Variants in CSMD1 observed in about 807,000 individuals in gnomAD.
CSMD1 encodes the protein CUB and sushi domain-containing protein 1.
Under a neutral mutation model 417.5 loss-of-function variants are expected in CSMD1, and 213 were observed. The observed-to-expected ratio is 0.51, with a 90% CI of 0.46 to 0.57. CSMD1 has a LOEUF of 0.57. Ranked by LOEUF, CSMD1 falls within the 20% of genes least tolerant of loss-of-function variation. The probability of loss-of-function intolerance (pLI) is 0.00; values close to 1 mark genes in which losing one functional copy is unlikely to be tolerated. For synonymous variants in CSMD1, 2,862 were observed against 1,736.8 expected (o/e 1.65, Z -16.11); for missense variants, 6,923 against 4,529.7 (o/e 1.53, Z -15.17).
chr8:4,695,779 T>C (rs1325298191), intron 1 of CSMD1, among the ~76,000 whole-genome samples: 2 of 152,244 alleles, frequency 1.3e-5, no homozygotes, highest in Non-Finnish European at 2.9e-5. Flanking sequence ...ATCCCCGATA[T>C]AGTATCATAC....
intron 3 of CSMD1, among the ~76,000 whole-genome samples, chr8:4,363,846 A>T (rs1169640089): frequency 6.6e-6 from 1 of 152,176 alleles, no homozygotes; most frequent in African/African-American, 2.4e-5. Context: ...GGATCTGAAA[A>T]TCAAAACAAT....
At chr8:3,284,103 T>G in intron 26 of CSMD1, 41 bp downstream of exon 26, 1 of 1,437,310 alleles carries the variant, frequency 7.0e-7, no homozygotes, top group South Asian at 1.2e-5. Flanking sequence ...ATGACAAGAC[T>G]TTGATATCAA....
chr8:3,394,423 G>T (rs1014293893), intron 17 of CSMD1, among the ~76,000 whole-genome samples: 2 of 151,692 alleles, frequency 1.3e-5, no homozygotes, highest in Non-Finnish European at 1.5e-5. Flanking sequence ...ATAAACAAAT[G>T]AAATTAGTTT....
intron 3 of CSMD1, among the ~76,000 whole-genome samples, chr8:4,372,310 G>A (rs564772656): frequency 1.3e-5 from 2 of 152,272 alleles, no homozygotes; most frequent in South Asian, 4.1e-4. Flanking sequence ...GACATCATGA[G>A]AACAGACTGT....
At chr8:3,381,748 C>T (rs1810641546) in intron 18 of CSMD1, among the ~76,000 whole-genome samples, 1 of 151,990 alleles carries the variant, frequency 6.6e-6, no homozygotes, top group African/African-American at 2.4e-5. Flanking sequence ...TCAAATAATA[C>T]CAAAAAATGT....
chr8:3,247,818 T>A (rs1293921341), intron 26 of CSMD1, among the ~76,000 whole-genome samples: 2 of 152,042 alleles, frequency 1.3e-5, no homozygotes, highest in Admixed American at 6.5e-5. Context: ...CAATGAAACC[T>A]CCAATCTACT....
At chr8:3,273,749 G>T (rs550028646) in intron 26 of CSMD1, among the ~76,000 whole-genome samples, 1 of 151,984 alleles carries the variant, frequency 6.6e-6, no homozygotes, top group African/African-American at 2.4e-5. Context: ...TCTGATGGCA[G>T]TTCGTATTTC....
At chr8:4,240,905 A>G (rs1003812684) in intron 3 of CSMD1, among the ~76,000 whole-genome samples, 2 of 152,236 alleles carry the variant, frequency 1.3e-5, no homozygotes, top group Non-Finnish European at 2.9e-5. Context: ...TACTGTAAAG[A>G]AAATAGTTTA....
chr8:4,452,020 C>G (rs928820894), intron 2 of CSMD1, among the ~76,000 whole-genome samples: 2 of 151,108 alleles, frequency 1.3e-5, no homozygotes, highest in African/African-American at 4.9e-5. Flanking sequence ...TATCTTTAGG[C>G]AGCCTGCCTT....
rs1002741457 is a variant in CSMD1, at chr8:3,157,786, G to T, written c.5914+111C>A. ...ATTATGTGCTATTAGTATATAACAC[G>T]TGTTTTGAAATTAAGAAATTTAGAA... On this transcript the variant is annotated intron_variant, in intron 39 of 69. Coordinates refer to ENST00000635120, the MANE Select transcript of CSMD1 (RefSeq NM_033225.6). 6.0e-6 allele frequency: 5 copies of T among 833,162 alleles called. No homozygotes were observed. The East Asian group carries it at 1.4e-4, about 23-fold the overall frequency. 51.6% of individuals were successfully genotyped at this position (833,162 alleles called of 1,614,324 possible). A position where few individuals can be genotyped will look rare whatever the true frequency, so the allele number is the denominator to read the frequency against.
intron 4 of CSMD1, among the ~76,000 whole-genome samples, chr8:4,006,081 C>A (rs1172393932): frequency 6.6e-6 from 1 of 152,148 alleles, no homozygotes; most frequent in Non-Finnish European, 1.5e-5. Context: ...AGAGCATTCC[C>A]AACAGATGCA....
chr8:3,649,030 G>C lies in CSMD1; in HGVS notation c.1010-32233C>G, dbSNP rs534684612. Among the ~76,000 whole-genome samples, 21 of 152,232 alleles carry C rather than the reference G, an allele frequency of 1.4e-4. No individual in the cohort carries two copies. The South Asian group carries it at 4.3e-3, about 32-fold the overall frequency. On this transcript the variant is annotated intron_variant, in intron 7 of 69. Transcript: ENST00000635120. ...AAGGTATGTACTGTCCAAGGTCACA[G>C]AGTTCATCAATGGAAGAACAAGATT...
intron 38 of CSMD1, among the ~76,000 whole-genome samples, chr8:3,160,391 G>C (rs1003659427): frequency 3.3e-5 from 5 of 152,180 alleles, no homozygotes; most frequent in Admixed American, 2.6e-4. Context: ...CCAAAGTGCT[G>C]GGATTACAGG....
intron 47 of CSMD1, among the ~76,000 whole-genome samples, chr8:3,094,165 G>C (rs952857822): frequency 5.3e-5 from 8 of 151,840 alleles, no homozygotes; most frequent in Admixed American, 5.2e-4. Flanking sequence ...GAGTGCAATG[G>C]TACAATCTCG....
intron 10 of CSMD1, among the ~76,000 whole-genome samples, chr8:3,508,473 T>G (rs1419322835): frequency 6.6e-6 from 1 of 151,806 alleles, no homozygotes; most frequent in Non-Finnish European, 1.5e-5. Flanking sequence ...AACCTGCATG[T>G]TGTGCACATG....
chr8:4,588,779 G>GACACACAAACACAC (rs146586781), intron 2 of CSMD1, among the ~76,000 whole-genome samples: 1 of 146,372 alleles, frequency 6.8e-6, no homozygotes, highest in Non-Finnish European at 1.5e-5. Flanking sequence ...GCAAGACTCC[G>GACACACAAACACAC]ACACACACAC....
At chr8:3,823,224 G>A (rs1021214732) in intron 5 of CSMD1, among the ~76,000 whole-genome samples, 1 of 152,112 alleles carries the variant, frequency 6.6e-6, no homozygotes, top group Non-Finnish European at 1.5e-5. Flanking sequence ...ATTAGTTTAG[G>A]TCAAAAATAA....
At chr8:3,254,164 G>A (rs1421793418) in intron 26 of CSMD1, among the ~76,000 whole-genome samples, 2 of 152,166 alleles carry the variant, frequency 1.3e-5, no homozygotes, top group East Asian at 1.9e-4. Context: ...GAAATTCTGG[G>A]TTGAAAGTTC....
chr8:3,982,077 G>C (rs1400934593), intron 5 of CSMD1, among the ~76,000 whole-genome samples: 1 of 151,668 alleles, frequency 6.6e-6, no homozygotes, highest in Admixed American at 6.6e-5. Context: ...AGAATGGGGT[G>C]AACCTGGGAG....
Sources: allele counts gnomAD v4.1 joint callset (sites outside exome capture counted in the v4.1 genomes callset), GRCh38; gene constraint gnomAD v4.1.1; transcripts MANE v1.5; gene names NCBI Gene and HGNC (gene_info 2026-07-23, HGNC 2026-07-21).